ARHGAP39: variants seen among roughly 807,000 people sequenced by gnomAD.
The protein encoded by ARHGAP39 is rho GTPase-activating protein 39.
A neutral mutation model predicts 106.9 loss-of-function variants in ARHGAP39; 44 were observed. The observed-to-expected ratio is 0.41, with a 90% CI of 0.32 to 0.53. The LOEUF is 0.53. ARHGAP39 is among the 20% of genes least tolerant of loss of function. The pLI is 0.21. For synonymous variants in ARHGAP39, 768 were observed against 693.2 expected, an observed-to-expected ratio of 1.11 and a Z score of -1.69; for missense variants, 1,496 against 1,577.3, an observed-to-expected ratio of 0.95 and a Z score of 0.87.
In ARHGAP39 at chr8:144,647,932, G is replaced by A. The variant is rs1411057614; in HGVS notation, c.-82+37754C>T. ...AGCTACCAGAGACAAAAGACTGGAG[G>A]GCTGAAAACATGTATAAATTCCTGG... On this transcript the variant is annotated intron_variant, in intron 1 of 11. Coordinates refer to ENST00000377307, the MANE Select transcript of ARHGAP39 (RefSeq NM_025251.3). The surrounding 1 kb of genome is among the most constrained non-coding windows in gnomAD (Gnocchi z 4.8). Among the ~76,000 whole-genome samples the A allele has an allele frequency of 1.3e-5, 2 of 152,322 alleles. No individual in the cohort carries two copies. The highest frequency in any genetic ancestry group is 3.9e-4 in the East Asian group (2 of 5,188).
At position 144,547,995 on chromosome 8, in the gene ARHGAP39, G is replaced by T. The variant is rs781432890; in HGVS notation, c.1091C>A (p.Pro364His). The change falls in exon 5 of 12, where the codon CCC becomes CAC. Residue 364 changes from proline (P) to histidine (H), a missense_variant. By Grantham distance (77) the Pro-to-His change is moderately conservative. Around this residue, in one of 4 missense-constraint regions of ARHGAP39, gnomAD observed 905 missense variants for 816.4 expected, o/e 1.11. Transcript: ENST00000377307. This position sits in a 1 kb window ranked among gnomAD's most constrained non-coding sequence, Gnocchi z 5.2. ...CACCAGCTGCTGGCAGGGCGAGGGGGGGCCCTGCTTGTTGGGCTGGAGGAA... is the reference window on the plus strand; with the variant it reads ...CACCAGCTGCTGGCAGGGCGAGGGGTGGCCCTGCTTGTTGGGCTGGAGGAA... ...RPFLQPNKQG[P>H]PSPCQQLVLT... 6 of 1,610,130 alleles carry T rather than the reference G, an allele frequency of 3.7e-6. No homozygotes were observed. The Admixed American group carries it at 5.0e-5, about 13-fold the overall frequency.
rs72499141 is a variant in ARHGAP39, at chr8:144,600,786, C to A, written c.80+4749G>T. ...CTACCTGCGTGTGCATGGAGGCATG[C>A]GCGTGAGCTCATCTACCTACCTGCG... On this transcript the variant is annotated intron_variant, in intron 2 of 11. Coordinates refer to ENST00000377307, the MANE Select transcript of ARHGAP39 (RefSeq NM_025251.3). Among the ~76,000 whole-genome samples, 5 of 147,612 alleles carry A rather than the reference C, an allele frequency of 3.4e-5. No individual in the cohort carries two copies. The East Asian group carries it at 6.3e-4, about 19-fold the overall frequency.
At chr8:144,557,534 C>T (rs2954342) in intron 3 of ARHGAP39, among the ~76,000 whole-genome samples, 2 of 97,878 alleles carry the variant, frequency 2.0e-5, no homozygotes, top group African/African-American at 8.3e-5. Context: ...GAACCTTCAT[C>T]GTATTCAGAG....
chr8:144,589,489 G>C (rs1348129754), intron 2 of ARHGAP39, among the ~76,000 whole-genome samples: 1 of 152,178 alleles, frequency 6.6e-6, no homozygotes, highest in East Asian at 1.9e-4. Context: ...GAAGTCCCCA[G>C]TTCCTCTTCC....
intron 1 of ARHGAP39, among the ~76,000 whole-genome samples, chr8:144,678,436 C>G (rs1822301395): frequency 6.6e-6 from 1 of 152,106 alleles, no homozygotes; most frequent in South Asian, 2.1e-4. Context: ...GAGGCGCTCC[C>G]ACAGACATTA....
At chr8:144,596,735 C>T (rs141796807) in intron 2 of ARHGAP39, among the ~76,000 whole-genome samples, 10 of 152,288 alleles carry the variant, frequency 6.6e-5, no homozygotes, top group African/African-American at 1.9e-4. Flanking sequence ...CCGGGGTCCT[C>T]GGCGAAGATA....
At chr8:144,689,881 G>T (rs1382472385), upstream of ARHGAP39, among the ~76,000 whole-genome samples, 3 of 151,290 alleles carry the variant, frequency 2.0e-5, no homozygotes, top group African/African-American at 7.3e-5. Context: ...GAGTAGCTGG[G>T]ATTACAGGCA....
At chr8:144,566,262 T>C (rs1044654176) in intron 3 of ARHGAP39, among the ~76,000 whole-genome samples, 3 of 151,388 alleles carry the variant, frequency 2.0e-5, no homozygotes, top group Admixed American at 6.6e-5. Flanking sequence ...ATGAGCAAAA[T>C]AGAGAAAATA....
At chr8:144,680,332 C>T (rs1267329253) in intron 1 of ARHGAP39, among the ~76,000 whole-genome samples, 1 of 152,208 alleles carries the variant, frequency 6.6e-6, no homozygotes, top group African/African-American at 2.4e-5. Flanking sequence ...GCGGGCCGCA[C>T]AGCCTCTGCA....
rs547640098 is a variant in ARHGAP39, at chr8:144,542,933, C to T, written c.2521+2316G>A. 2.7e-3 allele frequency among the ~76,000 whole-genome samples: 409 copies of T among 150,358 alleles called. 2 individuals are homozygous for T. The highest frequency in any genetic ancestry group is 3.6e-3 in the Non-Finnish European group (245 of 67,462). On this transcript the variant is annotated intron_variant, in intron 6 of 11. Coordinates refer to ENST00000377307, the MANE Select transcript of ARHGAP39 (RefSeq NM_025251.3). ...CTGAACTCCAGCCTGGGCAACAGAG[C>T]GAGACTCTAACTCCAAAAAAAAAGG...
At chr8:144,696,341 G>A in the ARHGAP39 span, among the ~76,000 whole-genome samples, 4 of 152,104 alleles carry the variant, frequency 2.6e-5, no homozygotes, top group South Asian at 2.1e-4. Flanking sequence ...GTTTCGCCAC[G>A]TTGCCCAGGC....
At chr8:144,581,568 AC>A (rs1381593446) in intron 2 of ARHGAP39, among the ~76,000 whole-genome samples, 1 of 152,158 alleles carries the variant, frequency 6.6e-6, no homozygotes, top group Non-Finnish European at 1.5e-5. Context: ...CCTCACAGGC[AC>A]CCAGGCCACA....
upstream of ARHGAP39, among the ~76,000 whole-genome samples, chr8:144,687,912 A>G (rs557800781): frequency 9.6e-5 from 13 of 134,962 alleles, no homozygotes; most frequent in African/African-American, 3.6e-4. Context: ...CCGTGACCAC[A>G]CACTGGCGGT....
At chr8:144,680,788 G>A (rs1159954184) in intron 1 of ARHGAP39, among the ~76,000 whole-genome samples, 1 of 151,974 alleles carries the variant, frequency 6.6e-6, no homozygotes, top group Non-Finnish European at 1.5e-5. Context: ...TCATAATAGC[G>A]GCCACTAATC....
chr8:144,548,198 G>A lies in ARHGAP39; in HGVS notation c.888C>T (p.Ser296=), dbSNP rs771995320. The change falls in exon 5 of 12, where the codon TCC becomes TCT. Residue 296 remains serine, a synonymous_variant. Coordinates refer to ENST00000377307, the MANE Select transcript of ARHGAP39 (RefSeq NM_025251.3). The surrounding 1 kb of genome is among the most constrained non-coding windows in gnomAD (Gnocchi z 7.4). ...GCGGGGAGGAGGGCTGCGAGTCCCC[G>A]GAGGGCTTTCGGGGCTGGGCCAGCA... ...SPLLAQPRKP[S]GDSQPSSPRY... 9 of 1,591,206 alleles carry A rather than the reference G, an allele frequency of 5.7e-6. No individual in the cohort carries two copies. Among genetic ancestry groups the A allele is most frequent in the Admixed American group, 3.5e-5 (2 of 57,696 alleles).
chr8:144,551,831 C>T (rs116020974), intron 4 of ARHGAP39, among the ~76,000 whole-genome samples: 403 of 152,354 alleles, frequency 2.6e-3, no homozygotes, highest in African/African-American at 8.9e-3. Flanking sequence ...GCTGGGCTTC[C>T]TCCTGGGCCA....
intron 1 of ARHGAP39, among the ~76,000 whole-genome samples, chr8:144,668,582 ATATT>A (rs1257760290): frequency 6.6e-6 from 1 of 152,234 alleles, no homozygotes; most frequent in Non-Finnish European, 1.5e-5. Context: ...AAGGAGTAAA[ATATT>A]TAGGAATCAA....
At chr8:144,699,039 C>T in the ARHGAP39 span, 1 of 367,390 alleles carries the variant, frequency 2.7e-6, no homozygotes, top group Non-Finnish European at 5.4e-6. Context: ...CCTGGAGTTC[C>T]AGGGCTTCTC....
At position 144,554,144 on chromosome 8, in the gene ARHGAP39, G is replaced by A. The variant is rs1252954969; in HGVS notation, c.596+1416C>T. On this transcript the variant is annotated intron_variant, in intron 4 of 11. Transcript: ENST00000377307. ...AGGAAGTGCGCCAGTGGAGGGTTGC[G>A]GGGGCTGCGGACCTCCAGGAGGATC... is the stretch of plus-strand genomic sequence containing the variant. Among the ~76,000 whole-genome samples the A allele has an allele frequency of 2.6e-5, 4 of 152,334 alleles. No individual in the cohort carries two copies. In the East Asian group the frequency reaches 5.8e-4, roughly 22 times the overall value.
Sources: gnomAD v4.1 joint callset for allele counts (sites outside exome capture counted in the v4.1 genomes callset) on GRCh38, gnomAD v4.1.1 for gene constraint, gnomAD v4.1.1 regional missense constraint, Gnocchi (gnomAD v3.1) non-coding constraint, MANE v1.5 for transcripts, NCBI Gene and HGNC (gene_info 2026-07-23, HGNC 2026-07-21) for gene names.